Variants in MAP1B observed in about 807,000 individuals in gnomAD.
MAP1B encodes microtubule-associated protein 1B.
A neutral mutation model predicts 176.1 loss-of-function variants in MAP1B; 12 were observed. The observed-to-expected ratio is 0.07, with a 90% CI of 0.04 to 0.11. The LOEUF (loss-of-function observed/expected upper bound fraction) is 0.11, where lower values mean the gene tolerates loss of function less well. Among genes scored for constraint, MAP1B ranks in the 10% least tolerant of loss-of-function variants. The pLI, the probability that MAP1B is intolerant of heterozygous loss-of-function variation, is 1.00. For missense variants in MAP1B, 2,523 were observed against 2,990.5 expected (o/e 0.84, Z 3.65); for synonymous variants, 1,044 against 1,135.0 (o/e 0.92, Z 1.61).
chr5:72,182,817 C>A lies in MAP1B; in HGVS notation c.287-926C>A, dbSNP rs1009781391. Among the ~76,000 whole-genome samples the A allele has an allele frequency of 2.0e-5, 3 of 152,270 alleles. No homozygotes were observed. In the South Asian group the frequency reaches 6.2e-4, roughly 32 times the overall value. ...AACCATGCGTCTCCCTCCCACATTT[C>A]GGAGAGAACACCCACTTCCCTGTCC... On this transcript the variant is annotated intron_variant, in intron 2 of 6. Transcript: ENST00000296755.
chr5:72,171,372 G>T (rs112773192), intron 2 of MAP1B, among the ~76,000 whole-genome samples: 1 of 152,040 alleles, frequency 6.6e-6, no homozygotes, highest in Non-Finnish European at 1.5e-5. Flanking sequence ...AGGATCACTT[G>T]AGCCCAAGAG....
chr5:72,193,169 C>T (rs969291584), intron 4 of MAP1B: 8 of 321,970 alleles, frequency 2.5e-5, no homozygotes, highest in Admixed American at 8.3e-5. Flanking sequence ...TTTCAATCAG[C>T]GTGCACTGAT....
chr5:72,111,244 C>T (rs1235178761), intron 1 of MAP1B, among the ~76,000 whole-genome samples: 8 of 151,806 alleles, frequency 5.3e-5, no homozygotes, highest in Admixed American at 5.2e-4. Flanking sequence ...GCCTTGTGAA[C>T]GTTTTCATTG....
At chr5:72,133,532 A>G (rs1745776264) in intron 2 of MAP1B, among the ~76,000 whole-genome samples, 1 of 152,220 alleles carries the variant, frequency 6.6e-6, no homozygotes, top group Non-Finnish European at 1.5e-5. Flanking sequence ...ACAGTGGCCA[A>G]GTTCAAATAT....
At chr5:72,141,672 A>G (rs1317081309) in intron 2 of MAP1B, among the ~76,000 whole-genome samples, 2 of 152,196 alleles carry the variant, frequency 1.3e-5, no homozygotes, top group African/African-American at 4.8e-5. Flanking sequence ...AGCCCAAGAA[A>G]TATTGCATAG....
Position 72,198,272 on chromosome 5 carries a change from A to T in MAP1B, c.4917A>T (p.Arg1639Ser). The T allele has an allele frequency of 6.2e-7, 1 of 1,614,110 alleles. No homozygotes were observed. Among genetic ancestry groups the T allele is most frequent in the Non-Finnish European group, 8.5e-7 (1 of 1,179,944 alleles). Reference sequence around the variant, plus strand: ...CCAGGACACCCGTTCAAGATCACAGATCTGAACAGTCCTCAATGTCTATTG... The same window carrying T: ...CCAGGACACCCGTTCAAGATCACAGTTCTGAACAGTCCTCAATGTCTATTG... Reference protein sequence around the residue: ...AKSRTPVQDHRSEQSSMSIEF... With the variant: ...AKSRTPVQDHSSEQSSMSIEF... Residue 1639 changes from arginine (R) to serine (S), a missense_variant, in exon 5 of 7, where the codon AGA becomes AGT. Arg to Ser is a moderately radical substitution (Grantham distance 110, BLOSUM62 -1). This residue lies in a region of MAP1B where 1,925 missense variants were observed against 2,126.0 expected (regional missense o/e 0.91). Coordinates refer to ENST00000296755, the MANE Select transcript of MAP1B (RefSeq NM_005909.5).
At chr5:72,145,624 T>C (rs901017898) in intron 2 of MAP1B, among the ~76,000 whole-genome samples, 1 of 152,242 alleles carries the variant, frequency 6.6e-6, no homozygotes, top group African/African-American at 2.4e-5. Context: ...AGAAGTGGCC[T>C]AATTTCACCT....
chr5:72,155,165 C>T (rs1429627157), intron 2 of MAP1B, among the ~76,000 whole-genome samples: 1 of 152,202 alleles, frequency 6.6e-6, no homozygotes, highest in Non-Finnish European at 1.5e-5. Flanking sequence ...AAAATCTCGC[C>T]TCATCAACAA....
chr5:72,120,473 G>A (rs2112126858), intron 2 of MAP1B, among the ~76,000 whole-genome samples: 1 of 149,288 alleles, frequency 6.7e-6, no homozygotes, highest in Middle Eastern at 3.5e-3. Context: ...TGCCCAGGCT[G>A]GAGTGCAGTG....
At chr5:72,182,182 A>G (rs1247162208) in intron 2 of MAP1B, among the ~76,000 whole-genome samples, 1 of 151,840 alleles carries the variant, frequency 6.6e-6, no homozygotes, top group East Asian at 1.9e-4. Context: ...CTCTATTTTA[A>G]AAACATTTTC....
Position 72,132,873 on chromosome 5 carries a change from T to C in MAP1B, c.286+17074T>C, listed in dbSNP as rs147003812. Among the ~76,000 whole-genome samples, 1,128 of 152,304 alleles carry C rather than the reference T, an allele frequency of 7.4e-3. 14 individuals carry two copies. Among genetic ancestry groups the C allele is most frequent in the African/African-American group, 0.026 (1,072 of 41,552 alleles). ...TTTTCAAAGGTCCCATTTAGAGCTC[T>C]GTTTGTTTCCTCCTTCCTGTATAAG... On this transcript the variant is annotated intron_variant, in intron 2 of 6. Coordinates refer to ENST00000296755, the MANE Select transcript of MAP1B (RefSeq NM_005909.5).
chr5:72,110,722 C>T (rs1001861821), intron 1 of MAP1B, among the ~76,000 whole-genome samples: 1 of 152,186 alleles, frequency 6.6e-6, no homozygotes, highest in Non-Finnish European at 1.5e-5. Context: ...TTCCTATTTC[C>T]CCTCCTGCCT....
chr5:72,141,985 C>A (rs956609299), intron 2 of MAP1B, among the ~76,000 whole-genome samples: 10 of 152,126 alleles, frequency 6.6e-5, no homozygotes, highest in Admixed American at 3.3e-4. Flanking sequence ...GCAGAGAGGC[C>A]CAGAGGCTAT....
chr5:72,200,175 C>G lies in MAP1B; in HGVS notation c.6820C>G (p.Pro2274Ala). ...KSKPLAASPK[P>A]AGLKESSDKV... ...TAAGCCCTTGGCAGCTTCACCAAAA[C>G]CAGCGGGCTTGAAAGAATCCTCGGA... The change falls in exon 5 of 7, where the codon CCA (proline) becomes GCA (alanine). Residue 2274 changes from proline to alanine, a missense_variant. Pro to Ala is a conservative substitution (Grantham distance 27, BLOSUM62 -1). This residue lies in a region of MAP1B where 287 missense variants were observed against 401.5 expected (regional missense o/e 0.71). Transcript: ENST00000296755. 2 of 1,614,218 alleles carry G rather than the reference C, an allele frequency of 1.2e-6. No homozygotes were observed. Among genetic ancestry groups the G allele is most frequent in the Non-Finnish European group, 1.7e-6 (2 of 1,180,036 alleles).
intron 2 of MAP1B, among the ~76,000 whole-genome samples, chr5:72,141,814 G>T (rs1222533038): frequency 1.3e-5 from 2 of 152,194 alleles, no homozygotes; most frequent in Non-Finnish European, 2.9e-5. Context: ...TACAGGCTTG[G>T]TTAAAAAAGA....
At chr5:72,151,794 C>A (rs750987221) in intron 2 of MAP1B, among the ~76,000 whole-genome samples, 1 of 152,174 alleles carries the variant, frequency 6.6e-6, no homozygotes, top group Non-Finnish European at 1.5e-5. Flanking sequence ...CCTCCCTGTT[C>A]TTTAGATAGT....
chr5:72,151,058 C>T lies in MAP1B; in HGVS notation c.287-32685C>T, dbSNP rs1746130864. ...TTATGTAAAAAAAGAGGGGGTTTGG[C>T]TCATGGATCTGCAGGCTGTACAAGA... On this transcript the variant is annotated intron_variant, in intron 2 of 6. Coordinates refer to ENST00000296755, the MANE Select transcript of MAP1B (RefSeq NM_005909.5). Among the ~76,000 whole-genome samples, 3 of 151,988 alleles carry T rather than the reference C, an allele frequency of 2.0e-5. 1 individual carries two copies. The South Asian group carries it at 6.2e-4, about 32-fold the overall frequency.
intron 2 of MAP1B, among the ~76,000 whole-genome samples, chr5:72,151,076 G>A (rs1207291504): frequency 6.6e-6 from 1 of 152,130 alleles, no homozygotes; most frequent in Non-Finnish European, 1.5e-5. Flanking sequence ...TCTGCAGGCT[G>A]TACAAGAAGC....
Position 72,167,805 on chromosome 5 carries a change from A to C in MAP1B, c.287-15938A>C, listed in dbSNP as rs551298471. Reference sequence around the variant, plus strand: ...CATTTTTTTTAAATAAAAAAGTAACATTCTTTAGAGCAGTTTTGTAGTTAC... The same window carrying C: ...CATTTTTTTTAAATAAAAAAGTAACCTTCTTTAGAGCAGTTTTGTAGTTAC... On this transcript the variant is annotated intron_variant, in intron 2 of 6. Coordinates refer to ENST00000296755, the MANE Select transcript of MAP1B (RefSeq NM_005909.5). 1.3e-3 allele frequency among the ~76,000 whole-genome samples: 200 copies of C among 152,350 alleles called. 1 individual carries two copies. The highest frequency in any genetic ancestry group is 4.5e-3 in the African/African-American group (189 of 41,584).
Sources: gnomAD v4.1 joint callset for allele counts (sites outside exome capture counted in the v4.1 genomes callset) on GRCh38, gnomAD v4.1.1 for gene constraint, gnomAD v4.1.1 regional missense constraint, MANE v1.5 for transcripts, NCBI Gene and HGNC (gene_info 2026-07-23, HGNC 2026-07-21) for gene names.